The following ARL15 variants were observed in gnomAD, a reference collection of about 807,000 sequenced individuals.
ARL15 encodes the protein ADP-ribosylation factor-like protein 15.
ARL15 carries 19 observed loss-of-function variants against 25.2 expected under a neutral mutation model. The ratio of observed to expected loss-of-function variants is 0.75; its 90% confidence interval spans 0.53 to 1.10. ARL15 has a LOEUF of 1.10. Ranked by LOEUF, ARL15 falls within the 50% of genes least tolerant of loss-of-function variation. The pLI is 0.00. For synonymous variants in ARL15, 94 were observed against 86.8 expected (o/e 1.08, Z -0.46); for missense variants, 220 against 246.0 (o/e 0.89, Z 0.71).
intron 1 of ARL15, among the ~76,000 whole-genome samples, chr5:54,296,103 T>A (rs1224792691): frequency 6.6e-6 from 1 of 152,148 alleles, no homozygotes; most frequent in Non-Finnish European, 1.5e-5. Context: ...ACCCTGTGAA[T>A]CAGAAATAGC....
intron 4 of ARL15, among the ~76,000 whole-genome samples, chr5:53,965,309 G>C (rs1308920523): frequency 6.6e-6 from 1 of 152,192 alleles, no homozygotes; most frequent in African/African-American, 2.4e-5. Context: ...TTTGGTGGAA[G>C]AAGATAAGTG....
chr5:53,955,324 GA>G (rs1747111524), intron 4 of ARL15, among the ~76,000 whole-genome samples: 1 of 152,032 alleles, frequency 6.6e-6, no homozygotes, highest in African/African-American at 2.4e-5. Context: ...CTTCTTTACA[GA>G]GATTTATAAA....
intron 4 of ARL15, among the ~76,000 whole-genome samples, chr5:53,964,998 C>T (rs920366423): frequency 6.6e-6 from 1 of 152,188 alleles, no homozygotes; most frequent in Non-Finnish European, 1.5e-5. Context: ...TGCTAAGATG[C>T]CTTAGAGGCC....
chr5:54,152,846 C>T (rs1217001033), intron 3 of ARL15, among the ~76,000 whole-genome samples: 3 of 152,156 alleles, frequency 2.0e-5, no homozygotes, highest in African/African-American at 7.2e-5. Flanking sequence ...CAGACCTATT[C>T]CCACCTTATG....
At chr5:53,952,558 A>G (rs1159974842) in intron 4 of ARL15, among the ~76,000 whole-genome samples, 2 of 152,206 alleles carry the variant, frequency 1.3e-5, no homozygotes, top group East Asian at 3.8e-4. Context: ...TGTGAAAAAA[A>G]TCATTTCCAT....
chr5:54,037,399 A>T (rs912263494), intron 4 of ARL15, among the ~76,000 whole-genome samples: 1 of 152,270 alleles, frequency 6.6e-6, no homozygotes, highest in East Asian at 1.9e-4. Context: ...GTGAAAAATG[A>T]TGACCAATAC....
intron 1 of ARL15, among the ~76,000 whole-genome samples, chr5:54,276,303 G>T (rs1053594033): frequency 2.6e-5 from 4 of 152,122 alleles, no homozygotes; most frequent in African/African-American, 9.7e-5. Context: ...TCTCCAAGGG[G>T]CATAATAAAC....
intron 4 of ARL15, among the ~76,000 whole-genome samples, chr5:53,999,768 T>G (rs530014613): frequency 6.6e-6 from 1 of 151,480 alleles, no homozygotes; most frequent in Admixed American, 6.6e-5. Flanking sequence ...TGGTGGCACA[T>G]GCCTGTAATC....
rs1210612743 is a variant in ARL15 at position 53,997,644 on chromosome 5, G to A, written c.463-110931C>T. Among the ~76,000 whole-genome samples, 2 of 152,068 alleles carry A rather than the reference G, an allele frequency of 1.3e-5. 1 individual carries two copies. Among genetic ancestry groups the A allele is most frequent in the South Asian group, 4.2e-4 (2 of 4,814 alleles). On this transcript the variant is annotated intron_variant, in intron 4 of 4. Coordinates refer to ENST00000504924, the MANE Select transcript of ARL15 (RefSeq NM_019087.3). ...AAGAAACTTTTCAGATTCTTCAGTGGGCATCCAGGAGCAGGATGAAGGAGG... is the reference window on the plus strand; with the variant it reads ...AAGAAACTTTTCAGATTCTTCAGTGAGCATCCAGGAGCAGGATGAAGGAGG...
At chr5:53,951,818 T>C (rs1164555377) in intron 4 of ARL15, among the ~76,000 whole-genome samples, 2 of 151,912 alleles carry the variant, frequency 1.3e-5, no homozygotes, top group African/African-American at 4.8e-5. Flanking sequence ...TATATATTTT[T>C]ACTGTTCTCT....
intron 3 of ARL15, among the ~76,000 whole-genome samples, chr5:54,140,110 T>G (rs1753724858): frequency 6.6e-6 from 1 of 152,198 alleles, no homozygotes; most frequent in African/African-American, 2.4e-5. Flanking sequence ...ACTATCCATC[T>G]TAAAGTCCAC....
rs10036972 is a variant in ARL15, at chr5:54,052,626, T to C, written c.462+60576A>G. On this transcript the variant is annotated intron_variant, in intron 4 of 4. Coordinates refer to ENST00000504924, the MANE Select transcript of ARL15 (RefSeq NM_019087.3). ...ATAAGCAAGGGTAAAAACGCTAGAA[T>C]GATCCTTATGGGAATGAATTAGAGC... 8.4e-3 allele frequency among the ~76,000 whole-genome samples: 1,285 copies of C among 152,310 alleles called. 24 individuals are homozygous for C. Among genetic ancestry groups the C allele is most frequent in the African/African-American group, 0.03 (1,227 of 41,568 alleles).
chr5:53,913,664 T>C (rs187069138), intron 4 of ARL15, among the ~76,000 whole-genome samples: 11 of 152,292 alleles, frequency 7.2e-5, no homozygotes, highest in East Asian at 3.9e-4. Flanking sequence ...TGAGGCTCAA[T>C]TGAATTAGAA....
intron 4 of ARL15, among the ~76,000 whole-genome samples, chr5:54,059,734 G>T (rs1440960784): frequency 1.3e-5 from 2 of 152,126 alleles, no homozygotes; most frequent in African/African-American, 4.8e-5. Flanking sequence ...TATTCTTATT[G>T]TGTAGTTAAC....
intron 4 of ARL15, among the ~76,000 whole-genome samples, chr5:53,998,378 C>T (rs1289553626): frequency 1.3e-5 from 2 of 152,128 alleles, no homozygotes; most frequent in African/African-American, 4.8e-5. Flanking sequence ...TTAGTTTCTC[C>T]CCTTTTATCT....
At chr5:54,102,707 T>G (rs1483498463) in intron 4 of ARL15, among the ~76,000 whole-genome samples, 1 of 152,188 alleles carries the variant, frequency 6.6e-6, no homozygotes, top group Non-Finnish European at 1.5e-5. Context: ...ATTGCATTAT[T>G]TCTTTGTTCT....
At chr5:53,992,750 G>C (rs1255312340) in intron 4 of ARL15, among the ~76,000 whole-genome samples, 3 of 152,206 alleles carry the variant, frequency 2.0e-5, no homozygotes, top group Non-Finnish European at 2.9e-5. Context: ...TGGCTGTACA[G>C]TATTGGTACA....
intron 4 of ARL15, among the ~76,000 whole-genome samples, chr5:53,960,028 T>C (rs983460378): frequency 1.3e-5 from 2 of 152,074 alleles, no homozygotes; most frequent in Admixed American, 6.6e-5. Flanking sequence ...TGAGTGGAGA[T>C]GTCAAGCAGA....
intron 4 of ARL15, among the ~76,000 whole-genome samples, chr5:54,023,850 A>G (rs1026617269): frequency 2.0e-5 from 3 of 152,184 alleles, no homozygotes; most frequent in Admixed American, 6.5e-5. Context: ...AACACACCTG[A>G]GCAGGTTTTT....
Sources: gnomAD v4.1 joint callset for allele counts (sites outside exome capture counted in the v4.1 genomes callset) on GRCh38, gnomAD v4.1.1 for gene constraint, MANE v1.5 for transcripts, NCBI Gene and HGNC (gene_info 2026-07-23, HGNC 2026-07-21) for gene names.